TAF1: variants seen among roughly 807,000 people sequenced by gnomAD.
The protein encoded by TAF1 is transcription initiation factor TFIID subunit 1.
A neutral mutation model predicts 138.5 loss-of-function variants in TAF1; 2 were observed. The observed-to-expected ratio is 0.01, with a 90% CI of 0.01 to 0.05. The LOEUF (loss-of-function observed/expected upper bound fraction) is 0.05. Among genes scored for constraint, TAF1 ranks in the 10% least tolerant of loss-of-function variants. The pLI is 1.00. For synonymous variants in TAF1, 437 were observed against 503.2 expected (o/e 0.87, Z 1.76); for missense variants, 709 against 1,478.0 (o/e 0.48, Z 8.53).
chrX:71,476,452 A>C (rs113448014), intron 13 of TAF1, among the ~76,000 whole-genome samples: 4,123 of 109,882 alleles, frequency 0.038, 174 homozygotes, highest in African/African-American at 0.12. Context: ...CCTGGGCAAC[A>C]TGATGAAACC....
At chrX:71,472,449 T>C (rs1258332412) in intron 13 of TAF1, among the ~76,000 whole-genome samples, 1 of 112,129 alleles carries the variant, frequency 8.9e-6, no homozygotes, top group Non-Finnish European at 1.9e-5. Flanking sequence ...GAAATTGTTA[T>C]TGGCCAGGTG....
At chrX:71,468,684 CAAAA>C (rs765313817), downstream of TAF1, among the ~76,000 whole-genome samples, 37 of 61,244 alleles carry the variant, frequency 6.0e-4, no homozygotes, top group Non-Finnish European at 1.1e-3. Flanking sequence ...GACTCCCTCT[CAAAA>C]AAAAAAAAAA....
Position 71,368,167 on chromosome X carries a change from T to G in TAF1, c.349T>G (p.Ser117Ala). The G allele has an allele frequency of 8.3e-7, 1 of 1,209,699 alleles. No individual in the cohort carries two copies. Among genetic ancestry groups the G allele is most frequent in the Non-Finnish European group, 1.1e-6 (1 of 893,800 alleles). The change falls in exon 3 of 38, where the codon TCA becomes GCA. Residue 117 changes from serine (S) to alanine (A), a missense_variant. Physicochemically the swap from Ser to Ala is moderately conservative, Grantham distance 99 (BLOSUM62 1). Transcript: ENST00000423759. ...GGGGAGCTTGCAGCCCCTTTGCCAC[T>G]CAGGTGATTCTTTGGTGTATTGGCT... is the stretch of plus-strand genomic sequence containing the variant. ...TMGSLQPLCH[S>A]DYDEDDYDAD...
At position 71,388,362 on chromosome X, in the gene TAF1, T is replaced by C. The variant is rs1387089242; in HGVS notation, c.2553T>C (p.Ala851=). The part of the protein sequence containing the change: ...SSIRKRLKLC[A]DFKRTGMDSN... ...TCCGGAAGAGGCTAAAGCTCTGCGC[T>C]GACTTCAAACGCACAGGTCGTCTGT... The change falls in exon 16 of 38, where the codon GCT becomes GCC. Residue 851 remains alanine (A), a synonymous_variant. Coordinates refer to ENST00000423759, the MANE Select transcript of TAF1 (RefSeq NM_004606.5). 2 of 1,207,793 alleles carry C rather than the reference T, an allele frequency of 1.7e-6. No individual in the cohort carries two copies. The highest frequency in any genetic ancestry group is 3.5e-5 in the African/African-American group (2 of 57,658).
At chrX:71,401,040 T>C (rs1337953197) in intron 24 of TAF1, among the ~76,000 whole-genome samples, 1 of 112,558 alleles carries the variant, frequency 8.9e-6, no homozygotes, top group Non-Finnish European at 1.9e-5. Flanking sequence ...GCTTGTCTCC[T>C]GCATATTTAA....
intron 28 of TAF1, among the ~76,000 whole-genome samples, chrX:71,412,217 C>A (rs544713986): frequency 9.3e-6 from 1 of 107,432 alleles, no homozygotes; most frequent in Non-Finnish European, 1.9e-5. Context: ...CTCACCCTCT[C>A]GGGCTCAAGG....
chrX:71,368,087 A>G lies in TAF1; in HGVS notation c.269A>G (p.Tyr90Cys), dbSNP rs752602479. 1 of 1,212,209 alleles carries G rather than the reference A, an allele frequency of 8.2e-7. No individual in the cohort carries two copies. The highest frequency in any genetic ancestry group is 1.7e-5 in the African/African-American group (1 of 57,943). ...AGGAGTACAGAAGATGCTGTGGACT[A>G]TTCAGACATCAATGAGGTGGCAGAA... is the stretch of plus-strand genomic sequence containing the variant. ...WVRSTEDAVD[Y>C]SDINEVAEDE... The change falls in exon 3 of 38, where the codon TAT (tyrosine) becomes TGT (cysteine). Residue 90 changes from tyrosine (Y) to cysteine (C), a missense_variant. Around this residue, in one of 14 missense-constraint regions of TAF1, gnomAD observed 123 missense variants for 161.6 expected, o/e 0.76. Coordinates refer to ENST00000423759, the MANE Select transcript of TAF1 (RefSeq NM_004606.5).
At chrX:71,496,353 G>A (rs1455306977) in intron 13 of TAF1, among the ~76,000 whole-genome samples, 3 of 112,538 alleles carry the variant, frequency 2.7e-5, no homozygotes, top group Non-Finnish European at 5.6e-5. Flanking sequence ...TACACTGACA[G>A]TAAGGTGGTA....
intron 13 of TAF1, among the ~76,000 whole-genome samples, chrX:71,475,301 A>G (rs2038958910): frequency 9.0e-6 from 1 of 111,713 alleles, no homozygotes; most frequent in South Asian, 3.7e-4. Flanking sequence ...AAGAAGCTAG[A>G]GGCGTCAGGC....
At chrX:71,430,237 C>A (rs763669851) in intron 32 of TAF1, among the ~76,000 whole-genome samples, 49 of 109,846 alleles carry the variant, frequency 4.5e-4, no homozygotes, top group Non-Finnish European at 7.2e-4. Flanking sequence ...AAAAATTAGC[C>A]GGGCGTGGTG....
In TAF1 at chrX:71,460,926, CTG is replaced by C. The variant is rs28382211; in HGVS notation, c.5399+126_5399+127del. On this transcript the variant is annotated intron_variant, in intron 37 of 37. Coordinates refer to ENST00000423759, the MANE Select transcript of TAF1 (RefSeq NM_004606.5). The stretch of plus-strand genomic sequence containing the variant: ...CCTGGGCACCTACTAGGGCCAGGCA[CTG>C]TGCTAGGCTCTGGGGATACACAGAG... The C allele has an allele frequency of 6.7e-3, 6,500 of 972,274 alleles. 23 individuals are homozygous for C. Among genetic ancestry groups the C allele is most frequent in the Non-Finnish European group, 8.1e-3 (5,679 of 703,511 alleles). The allele number at this position is 972,274 out of a possible 1,213,427, so 80.1% of individuals were successfully genotyped here.
At chrX:71,457,002 A>G (rs749552839) in intron 34 of TAF1, among the ~76,000 whole-genome samples, 1 of 111,348 alleles carries the variant, frequency 9.0e-6, no homozygotes, top group African/African-American at 3.3e-5. Flanking sequence ...TTTCCACCTA[A>G]CTTGGATTGC....
At chrX:71,517,076 C>A (rs1203640902) in intron 13 of TAF1, among the ~76,000 whole-genome samples, 2 of 109,430 alleles carry the variant, frequency 1.8e-5, no homozygotes, top group Admixed American at 2.0e-4. Context: ...TTGTGAGATT[C>A]AAAGCGTGAC....
At position 71,394,187 on chromosome X, in the gene TAF1, T is replaced by A. The variant is rs1321516882; in HGVS notation, c.3348T>A (p.Ser1116=). Residue 1116 remains serine (S), a synonymous_variant, in exon 22 of 38, where the codon TCT becomes TCA. Transcript: ENST00000423759. ...TGTTGCAGAACAAGAAAACCAGCTC[T>A]CAGCTTTCACGTGAACGGGAGGAAC... is the stretch of plus-strand genomic sequence containing the variant. The part of the protein sequence containing the change: ...ENMLQNKKTS[S]QLSREREEQE... 1 of 1,211,893 alleles carries A rather than the reference T, an allele frequency of 8.3e-7. No individual in the cohort carries two copies. Among genetic ancestry groups the A allele is most frequent in the East Asian group, 3.0e-5 (1 of 33,874 alleles).
At chrX:71,402,590 CTG>C (rs1042084401) in intron 25 of TAF1, among the ~76,000 whole-genome samples, 1 of 112,227 alleles carries the variant, frequency 8.9e-6, no homozygotes, top group African/African-American at 3.2e-5. Context: ...GACATAGAAA[CTG>C]TGCTTATACT....
intron 13 of TAF1, chrX:71,491,043 G>GTTGT (rs2039270274): frequency 8.7e-5 from 4 of 45,718 alleles, no homozygotes; most frequent in Non-Finnish European, 1.6e-4. Flanking sequence ...TGTTGTTGTT[G>GTTGT]TTTTTTTTTT....
At chrX:71,368,226 CCA>C in intron 3 of TAF1, 56 bp downstream of exon 3, 1 of 1,119,241 alleles carries the variant, frequency 8.9e-7, no homozygotes, top group Non-Finnish European at 1.2e-6. Flanking sequence ...GCTGTATAGT[CCA>C]GTTTGGGCTC....
intron 28 of TAF1, among the ~76,000 whole-genome samples, chrX:71,414,576 ATCAT>A (rs2148536663): frequency 1.1e-5 from 1 of 87,996 alleles, no homozygotes; most frequent in South Asian, 6.6e-4. Flanking sequence ...TTTAAAAATT[ATCAT>A]AGAAGGTTTC....
At chrX:71,497,878 A>T (rs1386303724) in intron 13 of TAF1, among the ~76,000 whole-genome samples, 2 of 111,575 alleles carry the variant, frequency 1.8e-5, no homozygotes, top group Non-Finnish European at 3.8e-5. Flanking sequence ...CAACTGTTTT[A>T]ATGTCCTAGG....
Sources: allele counts gnomAD v4.1 joint callset (sites outside exome capture counted in the v4.1 genomes callset), GRCh38; gene constraint gnomAD v4.1.1; regional missense constraint gnomAD v4.1.1; transcripts MANE v1.5; gene names NCBI Gene and HGNC (gene_info 2026-07-23, HGNC 2026-07-21).